The following RBBP7 variants were observed in gnomAD, a reference collection of about 807,000 sequenced individuals.
The protein encoded by RBBP7 is RB binding protein 7, chromatin remodeling factor.
Under a neutral mutation model 35.2 loss-of-function variants are expected in RBBP7, and 5 were observed. The observed-to-expected ratio is 0.14, with a 90% CI of 0.07 to 0.30. The LOEUF (loss-of-function observed/expected upper bound fraction) is 0.30. Among genes scored for constraint, RBBP7 ranks in the 10% least tolerant of loss-of-function variants. The probability of loss-of-function intolerance (pLI) is 1.00; values close to 1 mark genes in which losing one functional copy is unlikely to be tolerated. For missense variants in RBBP7, 155 were observed against 327.5 expected, an observed-to-expected ratio of 0.47 and a Z score of 4.07; for synonymous variants, 140 against 118.7, an observed-to-expected ratio of 1.18 and a Z score of -1.17.
intron 2 of RBBP7, among the ~76,000 whole-genome samples, chrX:16,864,953 G>C (rs1033471583): frequency 7.5e-5 from 8 of 106,187 alleles, no homozygotes; most frequent in Non-Finnish European, 1.3e-4. Context: ...GAAAGGGTAA[G>C]CCAGGTGCAG....
At chrX:16,857,324 T>C (rs1278955469) in intron 5 of RBBP7, among the ~76,000 whole-genome samples, 1 of 112,062 alleles carries the variant, frequency 8.9e-6, no homozygotes, top group Admixed American at 9.5e-5. Context: ...AGTTTCCATT[T>C]TAAGGGCCTG....
rs775916842 is a variant in RBBP7 at position 16,861,945 on chromosome X, C to T, written c.307+1010G>A. 8.0e-5 allele frequency among the ~76,000 whole-genome samples: 9 copies of T among 111,976 alleles called. No homozygotes were observed. The South Asian group carries it at 1.9e-3, about 23-fold the overall frequency. On this transcript the variant is annotated intron_variant, in intron 3 of 11. Transcript: ENST00000380087. ...TCTGCAGATATCAAGATTGATGACA[C>T]GTACCTTCTTTTATTACTGGGTCCT...
chrX:16,867,900 G>A (rs1449747527), intron 2 of RBBP7, among the ~76,000 whole-genome samples: 3 of 109,128 alleles, frequency 2.7e-5, no homozygotes, highest in Non-Finnish European at 3.8e-5. Context: ...GCCTGGGCTG[G>A]TTTTGAACTC....
chrX:16,869,060 T>C lies in RBBP7; in HGVS notation c.161+16A>G. 8.4e-7 allele frequency: 1 copy of C among 1,185,079 alleles called. No homozygotes were observed. Among genetic ancestry groups the C allele is most frequent in the Non-Finnish European group, 1.1e-6 (1 of 887,093 alleles). On this transcript the variant is annotated intron_variant, in intron 2 of 11. Coordinates refer to ENST00000380087, the MANE Select transcript of RBBP7 (RefSeq NM_002893.4). ...AGTTAAATTTAAACAAAATAAAAGT[T>C]GCCAGAAACCCTTACTTAGTCACTT...
At chrX:16,850,552 C>T (rs1210905579) in intron 9 of RBBP7, among the ~76,000 whole-genome samples, 1 of 112,331 alleles carries the variant, frequency 8.9e-6, no homozygotes, top group African/African-American at 3.2e-5. Context: ...AATACAATGC[C>T]CCCAACTGTC....
intron 2 of RBBP7, among the ~76,000 whole-genome samples, chrX:16,864,249 G>A (rs964264849): frequency 3.6e-5 from 4 of 111,064 alleles, no homozygotes; most frequent in African/African-American, 1.3e-4. Flanking sequence ...AATGGGCGCC[G>A]TGGCTCACGC....
intron 5 of RBBP7, among the ~76,000 whole-genome samples, chrX:16,855,509 T>A (rs1248069600): frequency 8.9e-6 from 1 of 112,103 alleles, no homozygotes; most frequent in Non-Finnish European, 1.9e-5. Flanking sequence ...GAACATGTGG[T>A]GCTCCTGCCA....
chrX:16,852,099 T>C lies in RBBP7; in HGVS notation c.987A>G (p.Glu329=). 1 of 1,205,151 alleles carries C rather than the reference T, an allele frequency of 8.3e-7. No homozygotes were observed. Among genetic ancestry groups the C allele is most frequent in the South Asian group, 1.8e-5 (1 of 56,725 alleles). ...IFQVHWSPHN[E]TILASSGTDR... ...CAGTACCACTTGAAGCCAGAATAGT[T>C]TCATTATGTGGAGACCAGTGGACCT... Residue 329 remains glutamate (E), a synonymous_variant, in exon 9 of 12, where the codon GAA becomes GAG. Transcript: ENST00000380087.
In RBBP7 at chrX:16,853,819, G is replaced by A. The variant is rs140935002; in HGVS notation, c.621C>T (p.Asn207=). The change falls in exon 6 of 12, where the codon AAC becomes AAT. Residue 207 remains asparagine, a synonymous_variant. Coordinates refer to ENST00000380087, the MANE Select transcript of RBBP7 (RefSeq NM_002893.4). ...CAATTTTGCCTTCTTTTGGTCCTGCGTTTATATCCCACAGACAAACAGTCT... is the reference window on the plus strand; with the variant it reads ...CAATTTTGCCTTCTTTTGGTCCTGCATTTATATCCCACAGACAAACAGTCT... ...DDHTVCLWDI[N]AGPKEGKIVD... 14 of 1,156,820 alleles carry A rather than the reference G, an allele frequency of 1.2e-5. No homozygotes were observed. The highest frequency in any genetic ancestry group is 2.4e-4 in the Middle Eastern group (1 of 4,103).
At chrX:16,869,521 C>T in intron 1 of RBBP7, 3 of 1,167,280 alleles carry the variant, frequency 2.6e-6, no homozygotes, top group Non-Finnish European at 3.4e-6. Context: ...CCTGTACGTA[C>T]AGGGGCTGCG....
At chrX:16,856,171 T>C (rs888068507) in intron 5 of RBBP7, among the ~76,000 whole-genome samples, 3 of 110,847 alleles carry the variant, frequency 2.7e-5, no homozygotes, top group Non-Finnish European at 5.7e-5. Flanking sequence ...AAAGGAGATA[T>C]GCAAATGGCC....
intron 2 of RBBP7, among the ~76,000 whole-genome samples, chrX:16,866,077 G>A (rs929023994): frequency 9.0e-6 from 1 of 111,521 alleles, no homozygotes; most frequent in Admixed American, 9.5e-5. Context: ...ATGTGGAAAG[G>A]GGACTTATTC....
intron 5 of RBBP7, 50 bp from the exon 6 acceptor site, chrX:16,853,892 ATTTT>A: frequency 1.3e-6 from 1 of 790,838 alleles, no homozygotes; most frequent in Non-Finnish European, 1.6e-6. Flanking sequence ...TAAGAGACTG[ATTTT>A]TTTTTTTTTC....
intron 2 of RBBP7, among the ~76,000 whole-genome samples, chrX:16,865,278 G>T (rs1023043017): frequency 3.6e-5 from 4 of 110,723 alleles, no homozygotes; most frequent in Non-Finnish European, 7.6e-5. Context: ...TTTAAAAAGA[G>T]AAATAATAAT....
rs769447719 is a variant in RBBP7, at chrX:16,844,881, G to A, written c.*154C>T. On this transcript the variant is annotated 3_prime_UTR_variant, in exon 12 of 12. Coordinates refer to ENST00000380087, the MANE Select transcript of RBBP7 (RefSeq NM_002893.4). ...TAATAGCTACAATATGATACAGTACGCAACAGCTCACTTGAAAGTGCTAGA... is the reference window on the plus strand; with the variant it reads ...TAATAGCTACAATATGATACAGTACACAACAGCTCACTTGAAAGTGCTAGA... The A allele has an allele frequency of 1.1e-5, 5 of 444,858 alleles. No homozygotes were observed. Among genetic ancestry groups the A allele is most frequent in the South Asian group, 7.6e-5 (2 of 26,299 alleles). 36.7% of individuals were successfully genotyped at this position (444,858 alleles called of 1,213,427 possible).
At chrX:16,865,163 T>C (rs1284401111) in intron 2 of RBBP7, among the ~76,000 whole-genome samples, 5 of 107,464 alleles carry the variant, frequency 4.7e-5, no homozygotes, top group Non-Finnish European at 7.7e-5. Flanking sequence ...GGCAAGCGGA[T>C]TGCTTGAACC....
In RBBP7 at chrX:16,853,799, T is replaced by G; in HGVS notation, c.641A>C (p.Lys214Thr). Reference sequence around the variant, plus strand: ...AAAGATGGCTTTAGCATCCACAATTTTGCCTTCTTTTGGTCCTGCGTTTAT... The same window carrying G: ...AAAGATGGCTTTAGCATCCACAATTGTGCCTTCTTTTGGTCCTGCGTTTAT... ...WDINAGPKEG[K>T]IVDAKAIFTG... Residue 214 changes from lysine (K) to threonine (T), a missense_variant, in exon 6 of 12, where the codon AAA becomes ACA. This residue lies in a region of RBBP7 where 79 missense variants were observed against 220.8 expected (regional missense o/e 0.36). Transcript: ENST00000380087. 8.5e-7 allele frequency: 1 copy of G among 1,179,150 alleles called. No homozygotes were observed. Among genetic ancestry groups the G allele is most frequent in the Non-Finnish European group, 1.1e-6 (1 of 880,580 alleles).
chrX:16,862,321 GTA>G (rs1445789831), intron 3 of RBBP7, among the ~76,000 whole-genome samples: 1 of 111,240 alleles, frequency 9.0e-6, no homozygotes, highest in African/African-American at 3.3e-5. Context: ...AAACAGGAGA[GTA>G]TATGTTTGAC....
chrX:16,851,952 G>C, intron 9 of RBBP7, 94 bp downstream of exon 9: 1 of 689,000 alleles, frequency 1.5e-6, no homozygotes, highest in East Asian at 3.3e-5. Context: ...CTTGAAGGGG[G>C]GATTACCAAA....
Sources: allele counts gnomAD v4.1 joint callset (sites outside exome capture counted in the v4.1 genomes callset), GRCh38; gene constraint gnomAD v4.1.1; regional missense constraint gnomAD v4.1.1; transcripts MANE v1.5; gene names NCBI Gene and HGNC (gene_info 2026-07-23, HGNC 2026-07-21).